Variants in PIF1 observed in about 807,000 individuals in gnomAD.
PIF1 encodes the protein ATP-dependent DNA helicase PIF1.
PIF1 carries 67 observed loss-of-function variants against 62.3 expected under a neutral mutation model. That is an observed-to-expected ratio of 1.08 (90% CI 0.88 to 1.32). The LOEUF (loss-of-function observed/expected upper bound fraction) is 1.32, where lower values mean the gene tolerates loss of function less well. PIF1 is among the 40% of genes most tolerant of loss of function. PIF1 has a pLI of 0.00. For missense variants in PIF1, 886 were observed against 866.1 expected (o/e 1.02, Z -0.29); for synonymous variants, 364 against 379.5 (o/e 0.96, Z 0.47).
intron 2 of PIF1, chr15:64,823,415 T>G: frequency 6.8e-5 from 11 of 161,782 alleles, no homozygotes; most frequent in South Asian, 2.0e-4. Context: ...GCCTGGCTAA[T>G]TTTTGTATTT....
chr15:64,822,552 T>C lies in PIF1; in HGVS notation c.617A>G (p.Gln206Arg). ...KRLSLPSTKP[Q>R]LSEEQAAVLR... is the part of the protein sequence containing the mutation. ...CACAGCAGCCTGTTCCTCAGAAAGC[T>C]GTGGCTTGGTGGAGGGCAAGCTCAG... is the stretch of plus-strand genomic sequence containing the variant. Residue 206 changes from glutamine (Q) to arginine (R), a missense_variant, in exon 3 of 13, where the codon CAG becomes CGG. Transcript: ENST00000559239. 2 of 1,614,032 alleles carry C rather than the reference T, an allele frequency of 1.2e-6. No homozygotes were observed. The highest frequency in any genetic ancestry group is 1.7e-6 in the Non-Finnish European group (2 of 1,180,000).
At chr15:64,821,563 CTCTTTTTT>C in intron 4 of PIF1, 43 bp from the exon 5 acceptor site, 2 of 1,333,178 alleles carry the variant, frequency 1.5e-6, no homozygotes, top group Non-Finnish European at 9.8e-7. Flanking sequence ...CCCAAAGCCT[CTCTTTTTT>C]TTTTTTTTTT....
rs771511866 is a variant in PIF1 at position 64,819,998 on chromosome 15, G to C, written c.1194-12C>G. 1.2e-6 allele frequency: 2 copies of C among 1,611,774 alleles called. No homozygotes were observed. The highest frequency in any genetic ancestry group is 1.7e-6 in the Non-Finnish European group (2 of 1,178,870). On this transcript the variant is annotated splice_polypyrimidine_tract_variant and intron_variant, in intron 7 of 12. Coordinates refer to ENST00000559239, the MANE Select transcript of PIF1 (RefSeq NM_001286496.2). Reference sequence around the variant, plus strand: ...CCTCATCTGAACACCTGTTGGGGCTGGACTGTCAGGGCAGAGCCCACCTGT... The same window carrying C: ...CCTCATCTGAACACCTGTTGGGGCTCGACTGTCAGGGCAGAGCCCACCTGT...
intron 7 of PIF1, among the ~76,000 whole-genome samples, chr15:64,820,351 T>C (rs1242664870): frequency 1.3e-5 from 2 of 152,212 alleles, no homozygotes; most frequent in African/African-American, 4.8e-5. Context: ...TACAATCTTC[T>C]ATCCACTTGC....
At position 64,815,754 on chromosome 15, in the gene PIF1, C is replaced by T. The variant is rs773552427; in HGVS notation, c.*544G>A. 10 of 1,550,600 alleles carry T rather than the reference C, an allele frequency of 6.4e-6. No homozygotes were observed. Among genetic ancestry groups the T allele is most frequent in the Middle Eastern group, 1.7e-4 (1 of 5,992 alleles). On this transcript the variant is annotated 3_prime_UTR_variant, in exon 13 of 13. Transcript: ENST00000559239. ...GCTTAAAATATGGGTGCACATTTTG[C>T]AGCTTATGTTCTTTGGTTAGGCTCT...
intron 4 of PIF1, chr15:64,821,778 C>T (rs966448823): frequency 2.9e-5 from 12 of 415,068 alleles, no homozygotes; most frequent in Middle Eastern, 1.3e-3. Context: ...CTCGCTGTGT[C>T]GCCCAGGCTC....
rs1330045813 is a variant in PIF1 at position 64,818,014 on chromosome 15, C to T, written c.1606G>A (p.Gly536Ser). The change falls in exon 11 of 13, where the codon GGC becomes AGC. Residue 536 changes from glycine to serine, a missense_variant. Coordinates refer to ENST00000559239, the MANE Select transcript of PIF1 (RefSeq NM_001286496.2). Reference protein sequence around the residue: ...ADRWTVQATGGQLLSRQQLPL... With the variant: ...ADRWTVQATGSQLLSRQQLPL... Reference sequence around the variant, plus strand: ...AGCTGCTGCCGACTGAGGAGCTGGCCCCCGGTGGCCTGCACCGTCCAGCGG... The same window carrying T: ...AGCTGCTGCCGACTGAGGAGCTGGCTCCCGGTGGCCTGCACCGTCCAGCGG... 11 of 1,613,422 alleles carry T rather than the reference C, an allele frequency of 6.8e-6. No individual in the cohort carries two copies. The Admixed American group carries it at 8.3e-5, about 12-fold the overall frequency.
intron 3 of PIF1, 35 bp downstream of exon 3, chr15:64,822,443 C>A (rs778406904): frequency 1.2e-6 from 2 of 1,613,944 alleles, no homozygotes; most frequent in Admixed American, 3.3e-5. Flanking sequence ...TCCCACCCCA[C>A]CACTGTCCCC....
At chr15:64,823,605 G>T in intron 2 of PIF1, 173 bp downstream of exon 2, 1 of 434,512 alleles carries the variant, frequency 2.3e-6, no homozygotes, top group Admixed American at 4.4e-5. Flanking sequence ...TCCATCTCAG[G>T]GATTACACTA....
In PIF1 at chr15:64,816,763, GCCCT is replaced by G. The variant is rs1355678590; in HGVS notation, c.1675-2_1676del. On this transcript the variant is annotated splice_acceptor_variant and coding_sequence_variant, in exon 12 of 13. Coordinates refer to ENST00000559239, the MANE Select transcript of PIF1 (RefSeq NM_001286496.2). LOFTEE classifies it high-confidence loss of function. ...AAATCTCCACACAATCCAGGGTCAT[GCCCT>G]GGGGGATGCAGGGACAGAGATGGAG... 2.5e-6 allele frequency: 4 copies of G among 1,582,848 alleles called. No homozygotes were observed. Among genetic ancestry groups the G allele is most frequent in the Non-Finnish European group, 3.4e-6 (4 of 1,164,392 alleles).
chr15:64,822,517 C>T lies in PIF1; in HGVS notation c.652G>A (p.Val218Ile), dbSNP rs374923447. The change falls in exon 3 of 13, where the codon GTC becomes ATC. Residue 218 changes from valine to isoleucine, a missense_variant. By Grantham distance (29) the Val-to-Ile change is conservative. Transcript: ENST00000559239. ...SEEQAAVLRA[V>I]LKGQSIFFTG... is the part of the protein sequence containing the mutation. ...AAGAAGATGCTCTGGCCTTTCAGGA[C>T]GGCCCTCAGCACAGCAGCCTGTTCC... is the stretch of plus-strand genomic sequence containing the variant. 143 of 1,613,934 alleles carry T rather than the reference C, an allele frequency of 8.9e-5. No individual in the cohort carries two copies. Among genetic ancestry groups the T allele is most frequent in the Admixed American group, 1.7e-4 (10 of 59,986 alleles).
chr15:64,824,181 T>C lies in PIF1; in HGVS notation c.155A>G (p.Glu52Gly). 7.5e-7 allele frequency: 1 copy of C among 1,338,728 alleles called. No individual in the cohort carries two copies. The allele number at this position is 1,338,728 out of a possible 1,614,324, so 82.9% of individuals were successfully genotyped here. The change falls in exon 2 of 13, where the codon GAG becomes GGG. Residue 52 changes from glutamate (E) to glycine (G), a missense_variant. Coordinates refer to ENST00000559239, the MANE Select transcript of PIF1 (RefSeq NM_001286496.2). ...TGGCGCTTGCAGCCGCAGCATCAAC[T>C]CGCGGCGCTCGTTGCGACCCAGGCT... Reference protein sequence around the residue: ...ELSLGRNERRELMLRLQAPGP... With the variant: ...ELSLGRNERRGLMLRLQAPGP...
Position 64,816,177 on chromosome 15 carries a change from A to G in PIF1, c.*121T>C. The G allele has an allele frequency of 6.5e-7, 1 of 1,534,574 alleles. No individual in the cohort carries two copies. Among genetic ancestry groups the G allele is most frequent in the Non-Finnish European group, 8.8e-7 (1 of 1,142,650 alleles). The stretch of plus-strand genomic sequence containing the variant: ...CCTGCCAGGAGGCTGAGAGTCCCTA[A>G]AAAATACAGAAGGGGACACTGCCTG... On this transcript the variant is annotated 3_prime_UTR_variant, in exon 13 of 13. Coordinates refer to ENST00000559239, the MANE Select transcript of PIF1 (RefSeq NM_001286496.2).
At chr15:64,817,154 C>T (rs1193550974) in intron 11 of PIF1, among the ~76,000 whole-genome samples, 1 of 144,120 alleles carries the variant, frequency 6.9e-6, no homozygotes, top group Non-Finnish European at 1.5e-5. Context: ...TACAATTTTA[C>T]GTATCTAGTG....
chr15:64,826,665 T>TTTATATATATATACAC (rs2084374103), upstream of PIF1, among the ~76,000 whole-genome samples: 2 of 42,802 alleles, frequency 4.7e-5, no homozygotes, highest in East Asian at 2.0e-3. Context: ...TATATATATA[T>TTTATATATATATACAC]ACACACACAC....
At chr15:64,825,898 C>A (rs780117568), upstream of PIF1, among the ~76,000 whole-genome samples, 1 of 152,138 alleles carries the variant, frequency 6.6e-6, no homozygotes, top group Non-Finnish European at 1.5e-5. Flanking sequence ...AGCCACCCGG[C>A]GGCGCGTGGT....
intron 1 of PIF1, 114 bp from the exon 2 acceptor site, chr15:64,824,468 C>T (rs1317234331): frequency 3.1e-6 from 2 of 651,308 alleles, no homozygotes; most frequent in African/African-American, 1.9e-5. Flanking sequence ...CAAGGCTACA[C>T]AAGATCACGA....
rs1283700472 is a variant in PIF1 at position 64,821,242 on chromosome 15, C to G, written c.1011G>C (p.Gln337His). 1 of 1,614,268 alleles carries G rather than the reference C, an allele frequency of 6.2e-7. No homozygotes were observed. Among genetic ancestry groups the G allele is most frequent in the Non-Finnish European group, 8.5e-7 (1 of 1,180,050 alleles). ...GCAGAAAGTCCCCACAGATGATGAG[C>G]TGGATCCCTCCGAATGGCTTGTTCT... The part of the protein sequence containing the change: ...RQQNKPFGGI[Q>H]LIICGDFLQL... The change falls in exon 6 of 13, where the codon CAG becomes CAC. Residue 337 changes from glutamine (Q) to histidine (H), a missense_variant. Gln to His is a conservative substitution (Grantham distance 24, BLOSUM62 0). Transcript: ENST00000559239.
Position 64,815,750 on chromosome 15 carries a change from T to C in PIF1, c.*548A>G. 6.4e-7 allele frequency: 1 copy of C among 1,550,618 alleles called. No homozygotes were observed. ...AGCAGCTTAAAATATGGGTGCACAT[T>C]TTGCAGCTTATGTTCTTTGGTTAGG... On this transcript the variant is annotated 3_prime_UTR_variant, in exon 13 of 13. Coordinates refer to ENST00000559239, the MANE Select transcript of PIF1 (RefSeq NM_001286496.2).
Sources: allele counts gnomAD v4.1 joint callset (sites outside exome capture counted in the v4.1 genomes callset), GRCh38; gene constraint gnomAD v4.1.1; transcripts MANE v1.5; gene names NCBI Gene and HGNC (gene_info 2026-07-23, HGNC 2026-07-21).